The following ASB3 variants were observed in gnomAD, a reference collection of about 807,000 sequenced individuals.
ASB3 encodes ankyrin repeat and SOCS box containing 3, also known as ankyrin repeat and SOCS box protein 3.
A neutral mutation model predicts 54.5 loss-of-function variants in ASB3; 41 were observed. The observed-to-expected ratio is 0.75, with a 90% CI of 0.59 to 0.98. The LOEUF is 0.98. ASB3 is among the 50% of genes least tolerant of loss of function. The pLI, the probability that ASB3 is intolerant of heterozygous loss-of-function variation, is 0.00. For synonymous variants in ASB3, 266 were observed against 221.2 expected, an observed-to-expected ratio of 1.20 and a Z score of -1.80; for missense variants, 733 against 620.0, an observed-to-expected ratio of 1.18 and a Z score of -1.94.
intron 7 of ASB3, among the ~76,000 whole-genome samples, chr2:53,708,881 T>A (rs531158159): frequency 1.2e-4 from 19 of 152,320 alleles, no homozygotes; most frequent in African/African-American, 4.3e-4. Context: ...CCTATGCTCA[T>A]ATGCATGAGC....
chr2:53,728,569 AT>A, intron 5 of ASB3, 142 bp downstream of exon 5: 1 of 1,125,826 alleles, frequency 8.9e-7, no homozygotes, highest in Non-Finnish European at 1.2e-6. Flanking sequence ...TTATAAATCA[AT>A]TTGTATTTAC....
intron 7 of ASB3, among the ~76,000 whole-genome samples, chr2:53,701,531 A>G (rs1049813248): frequency 1.3e-5 from 2 of 152,184 alleles, no homozygotes; most frequent in African/African-American, 4.8e-5. Context: ...AAATTGAAGA[A>G]TATTTTAGAG....
rs1281818118 is a variant in ASB3 at position 53,737,902 on chromosome 2, TA to T, written c.356-8333del. Among the ~76,000 whole-genome samples the T allele has an allele frequency of 3.3e-5, 5 of 152,206 alleles. No homozygotes were observed. The East Asian group carries it at 9.6e-4, about 29-fold the overall frequency. ...CACTGTCCTATTTACTCAATAATAC[TA>T]AAGTGTATATTAATTGAAAAATGAT... On this transcript the variant is annotated intron_variant, in intron 3 of 9. Transcript: ENST00000263634.
chr2:53,673,409 G>A (rs1667920892), intron 9 of ASB3, among the ~76,000 whole-genome samples: 1 of 152,196 alleles, frequency 6.6e-6, no homozygotes, highest in Non-Finnish European at 1.5e-5. Flanking sequence ...GGCTGACTGG[G>A]AAGATTCCTC....
rs147472594 is a variant in ASB3, at chr2:53,675,787, T to C, written c.1370-5097A>G. Among the ~76,000 whole-genome samples, 82 of 152,322 alleles carry C rather than the reference T, an allele frequency of 5.4e-4. No homozygotes were observed. In the East Asian group the frequency reaches 0.015, roughly 28 times the overall value. On this transcript the variant is annotated intron_variant, in intron 9 of 9. Coordinates refer to ENST00000263634, the MANE Select transcript of ASB3 (RefSeq NM_016115.5). ...AATGAAAGAGTTTTTCCAGGTGATA[T>C]ATACTACTTTTCACAAGAAAATAAC...
chr2:53,713,096 T>C (rs940301453), intron 7 of ASB3, among the ~76,000 whole-genome samples: 1 of 152,188 alleles, frequency 6.6e-6, no homozygotes, highest in African/African-American at 2.4e-5. Context: ...CCCATCACTT[T>C]TGGAGGCTGG....
intron 7 of ASB3, among the ~76,000 whole-genome samples, chr2:53,705,088 C>T (rs1396328588): frequency 6.6e-6 from 1 of 152,056 alleles, no homozygotes; most frequent in Non-Finnish European, 1.5e-5. Flanking sequence ...TTAAAGTTTG[C>T]TATGTTCTAT....
intron 8 of ASB3, among the ~76,000 whole-genome samples, chr2:53,698,750 G>T (rs1013347063): frequency 3.9e-5 from 6 of 152,098 alleles, no homozygotes; most frequent in African/African-American, 1.4e-4. Context: ...CAACATTTTG[G>T]TCACAACCAC....
intron 3 of ASB3, 61 bp downstream of exon 3, chr2:53,750,722 A>T: frequency 7.1e-7 from 1 of 1,413,136 alleles, no homozygotes; most frequent in Non-Finnish European, 9.3e-7. Context: ...AATTAAGCTT[A>T]GTTTAACAAA....
chr2:53,775,794 C>T lies in ASB3; in HGVS notation c.-13-10209G>A, dbSNP rs182403870. Among the ~76,000 whole-genome samples, 10 of 152,198 alleles carry T rather than the reference C, an allele frequency of 6.6e-5. No individual in the cohort carries two copies. In the East Asian group the frequency reaches 1.9e-3, roughly 29 times the overall value. On this transcript the variant is annotated intron_variant, in intron 1 of 9. Coordinates refer to ENST00000263634, the MANE Select transcript of ASB3 (RefSeq NM_016115.5). ...CCCGGCCTATAATTTTTTATTTGTACAAATTTATGGGCTACAAGTGCCATT... is the reference window on the plus strand; with the variant it reads ...CCCGGCCTATAATTTTTTATTTGTATAAATTTATGGGCTACAAGTGCCATT...
Position 53,765,590 on chromosome 2 carries a change from A to G in ASB3, c.-13-5T>C. ...AAATCCATTTGTTTGACCAGTCTAC[A>G]AAACAAGGTAGAAGGATAATACTAT... On this transcript the variant is annotated splice_polypyrimidine_tract_variant and splice_region_variant and intron_variant, in intron 1 of 9. Transcript: ENST00000263634. 1.9e-6 allele frequency: 3 copies of G among 1,614,194 alleles called. No homozygotes were observed. The highest frequency in any genetic ancestry group is 2.5e-6 in the Non-Finnish European group (3 of 1,180,022).
In ASB3 at chr2:53,755,201, T is replaced by G. The variant is rs112897087; in HGVS notation, c.197-4260A>C. ...TTGTGAGTTATTTCCTGGGAATACT[T>G]GGAGAATTAGAGCCACCTCAGCTGA... On this transcript the variant is annotated intron_variant, in intron 2 of 9. Transcript: ENST00000263634. 3.5e-3 allele frequency among the ~76,000 whole-genome samples: 527 copies of G among 152,368 alleles called. 5 individuals carry two copies. The highest frequency in any genetic ancestry group is 0.012 in the African/African-American group (506 of 41,586).
At chr2:53,745,736 T>C (rs1486121170) in intron 3 of ASB3, among the ~76,000 whole-genome samples, 2 of 152,168 alleles carry the variant, frequency 1.3e-5, no homozygotes, top group Non-Finnish European at 2.9e-5. Flanking sequence ...TAATAGAGTA[T>C]AGCTTCCCTT....
At chr2:53,764,149 A>G (rs1673304883) in intron 2 of ASB3, among the ~76,000 whole-genome samples, 1 of 152,196 alleles carries the variant, frequency 6.6e-6, no homozygotes, top group Non-Finnish European at 1.5e-5. Context: ...ATGGACCCAG[A>G]AGTTTATATT....
At chr2:53,730,424 T>A (rs1671238301) in intron 3 of ASB3, among the ~76,000 whole-genome samples, 1 of 152,162 alleles carries the variant, frequency 6.6e-6, no homozygotes, top group Non-Finnish European at 1.5e-5. Context: ...TATAAGAAGG[T>A]CTGGCTAACG....
chr2:53,706,890 T>A (rs1333717931), intron 7 of ASB3, among the ~76,000 whole-genome samples: 1 of 152,358 alleles, frequency 6.6e-6, no homozygotes, highest in East Asian at 1.9e-4. Context: ...ATATCCAACC[T>A]CTTTTGCTCA....
Position 53,728,800 on chromosome 2 carries a change from C to T in ASB3, c.516G>A (p.Lys172=), listed in dbSNP as rs754111874. 265 of 1,611,928 alleles carry T rather than the reference C, an allele frequency of 1.6e-4. No individual in the cohort carries two copies. The highest frequency in any genetic ancestry group is 2.0e-4 in the Non-Finnish European group (231 of 1,178,874). The change falls in exon 5 of 10, where the codon AAG becomes AAA. Residue 172 remains lysine (K), a synonymous_variant. Transcript: ENST00000263634. ...IKLLLRKGAN[K]ECQDDFGITP... ...TGATTCCAAAGTCATCCTGGCATTC[C>T]TTGTTTGCTCCTTTTCTAAGAAGCA...
At chr2:53,778,575 C>G (rs1444382427) in intron 1 of ASB3, among the ~76,000 whole-genome samples, 1 of 152,164 alleles carries the variant, frequency 6.6e-6, no homozygotes, top group African/African-American at 2.4e-5. Flanking sequence ...AACCACTGTT[C>G]TACTCTCTGC....
rs1469134939 is a variant in ASB3, at chr2:53,714,634, T to C, written c.783-53A>G. 7 of 1,567,358 alleles carry C rather than the reference T, an allele frequency of 4.5e-6. No individual in the cohort carries two copies. In the South Asian group the frequency reaches 7.0e-5, roughly 16 times the overall value. On this transcript the variant is annotated intron_variant, in intron 6 of 9. Coordinates refer to ENST00000263634, the MANE Select transcript of ASB3 (RefSeq NM_016115.5). ...TAGTGTTTGTATATGTGCATAAATGTAGGCAACATTTCTATAGCACAATTT... is the reference window on the plus strand; with the variant it reads ...TAGTGTTTGTATATGTGCATAAATGCAGGCAACATTTCTATAGCACAATTT...
Sources: gnomAD v4.1 joint callset for allele counts (sites outside exome capture counted in the v4.1 genomes callset) on GRCh38, gnomAD v4.1.1 for gene constraint, MANE v1.5 for transcripts, NCBI Gene and HGNC (gene_info 2026-07-23, HGNC 2026-07-21) for gene names.